CCNY: variants seen among roughly 807,000 people sequenced by gnomAD.
The protein encoded by CCNY is cyclin-Y.
A neutral mutation model predicts 42.8 loss-of-function variants in CCNY; 19 were observed. That is an observed-to-expected ratio of 0.44 (90% CI 0.31 to 0.65). The LOEUF (loss-of-function observed/expected upper bound fraction) is 0.65, where lower values mean the gene tolerates loss of function less well. CCNY is among the 30% of genes least tolerant of loss of function. The probability of loss-of-function intolerance (pLI) is 0.07; values close to 1 mark genes in which losing one functional copy is unlikely to be tolerated. For synonymous variants in CCNY, 165 were observed against 162.7 expected (o/e 1.01, Z -0.11); for missense variants, 370 against 437.3 (o/e 0.85, Z 1.37).
intron 1 of CCNY, among the ~76,000 whole-genome samples, chr10:35,446,779 C>G (rs1478851834): frequency 6.6e-6 from 1 of 152,212 alleles, no homozygotes; most frequent in Non-Finnish European, 1.5e-5. Flanking sequence ...GCTGATGGCC[C>G]TCTGGGTACC....
chr10:35,406,205 A>AT (rs1184068283), intron 1 of CCNY, among the ~76,000 whole-genome samples: 13 of 104,434 alleles, frequency 1.2e-4, no homozygotes, highest in African/African-American at 3.1e-4. Context: ...TTTTTATTTT[A>AT]TTTATTTATT....
intron 3 of CCNY, among the ~76,000 whole-genome samples, chr10:35,270,971 C>T (rs981835520): frequency 5.9e-5 from 9 of 151,886 alleles, no homozygotes; most frequent in Non-Finnish European, 8.8e-5. Flanking sequence ...GTGATCCGCC[C>T]GCCTCAGCCT....
rs191082047 is a variant in CCNY, at chr10:35,275,884, C to T, written c.-9+25258C>T. On this transcript the variant is annotated intron_variant, in intron 3 of 11. Coordinates refer to the CCNY transcript ENST00000374706. ...TGGACCACACGGCCCCAGCCACCGCCGGTTTAGCAGGGAAGGCATGGTGAT... is the reference window on the plus strand; with the variant it reads ...TGGACCACACGGCCCCAGCCACCGCTGGTTTAGCAGGGAAGGCATGGTGAT... 3.5e-3 allele frequency among the ~76,000 whole-genome samples: 534 copies of T among 152,348 alleles called. 2 individuals are homozygous for T. The highest frequency in any genetic ancestry group is 5.6e-3 in the Non-Finnish European group (382 of 68,040).
intron 3 of CCNY, among the ~76,000 whole-genome samples, chr10:35,509,503 T>C (rs990757898): frequency 2.0e-5 from 3 of 152,216 alleles, no homozygotes; most frequent in African/African-American, 7.2e-5. Context: ...CTCAAACTCC[T>C]GACCTCAAGT....
intron 1 of CCNY, chr10:35,433,989 C>G (rs1182891212): frequency 2.0e-5 from 3 of 152,210 alleles, no homozygotes; most frequent in African/African-American, 7.2e-5. Context: ...TGTATGCGAA[C>G]TTAAGTGCTA....
Position 35,295,048 on chromosome 10 carries a change from G to A in CCNY, c.-9+44422G>A, listed in dbSNP as rs1285546245. On this transcript the variant is annotated intron_variant, in intron 3 of 11. Coordinates refer to the CCNY transcript ENST00000374706. Reference sequence around the variant, plus strand: ...CTGGGACCTGTAGTCCCAGCTACTTGGGAGGCTGAGGCAGATGGATTGCTT... The same window carrying A: ...CTGGGACCTGTAGTCCCAGCTACTTAGGAGGCTGAGGCAGATGGATTGCTT... 4.6e-5 allele frequency among the ~76,000 whole-genome samples: 7 copies of A among 151,850 alleles called. No homozygotes were observed. In the East Asian group the frequency reaches 1.4e-3, roughly 30 times the overall value.
chr10:35,421,950 G>T (rs1287828730), intron 1 of CCNY, among the ~76,000 whole-genome samples: 1 of 152,122 alleles, frequency 6.6e-6, no homozygotes, highest in African/African-American at 2.4e-5. Flanking sequence ...TCTCCATTTT[G>T]CAGAGGGGAA....
chr10:35,306,314 C>T (rs577594340), intron 3 of CCNY, among the ~76,000 whole-genome samples: 1 of 152,344 alleles, frequency 6.6e-6, no homozygotes, highest in South Asian at 2.1e-4. Context: ...GGATTACAGG[C>T]GTGAGCCACC....
At chr10:35,496,479 C>T (rs1425664707) in intron 2 of CCNY, among the ~76,000 whole-genome samples, 1 of 152,164 alleles carries the variant, frequency 6.6e-6, no homozygotes, top group Non-Finnish European at 1.5e-5. Flanking sequence ...TTAGTACCAG[C>T]ATCCTATGGC....
At chr10:35,260,922 G>A (rs2135031486) in intron 3 of CCNY, among the ~76,000 whole-genome samples, 1 of 152,214 alleles carries the variant, frequency 6.6e-6, no homozygotes, top group East Asian at 1.9e-4. Context: ...ACCAGCCACG[G>A]CAACCTTGTG....
intron 3 of CCNY, among the ~76,000 whole-genome samples, chr10:35,282,153 C>T (rs940628193): frequency 3.0e-5 from 4 of 134,508 alleles, no homozygotes; most frequent in Non-Finnish European, 4.6e-5. Context: ...GCGTTGCTCA[C>T]TCTGTCACCC....
chr10:35,429,766 AT>A (rs1473750414), intron 1 of CCNY, among the ~76,000 whole-genome samples: 1 of 152,214 alleles, frequency 6.6e-6, no homozygotes, highest in African/African-American at 2.4e-5. Context: ...GCCATGTATT[AT>A]AAAAGAAATT....
At chr10:35,263,312 G>A (rs1423445954) in intron 3 of CCNY, among the ~76,000 whole-genome samples, 1 of 139,404 alleles carries the variant, frequency 7.2e-6, no homozygotes, top group South Asian at 2.2e-4. Flanking sequence ...AGCCGAGATC[G>A]CGCCACTGCA....
intron 3 of CCNY, among the ~76,000 whole-genome samples, chr10:35,307,792 GTGTGTGTGTATA>G (rs1484248149): frequency 8.6e-5 from 7 of 81,180 alleles, no homozygotes; most frequent in African/African-American, 4.2e-4. Context: ...GTGTGTGTGT[GTGTGTGTGTATA>G]TATATATATA....
At chr10:35,305,416 C>A (rs1179943889) in intron 3 of CCNY, among the ~76,000 whole-genome samples, 1 of 152,174 alleles carries the variant, frequency 6.6e-6, no homozygotes, top group African/African-American at 2.4e-5. Context: ...GTGACAAGAA[C>A]ATGAAATATA....
At chr10:35,312,091 A>G (rs1835691983) in intron 3 of CCNY, among the ~76,000 whole-genome samples, 1 of 151,844 alleles carries the variant, frequency 6.6e-6, no homozygotes, top group Non-Finnish European at 1.5e-5. Flanking sequence ...AAGATAATTC[A>G]TATTGGCTGG....
At chr10:35,472,861 A>G (rs1468115254) in intron 1 of CCNY, among the ~76,000 whole-genome samples, 1 of 152,234 alleles carries the variant, frequency 6.6e-6, no homozygotes, top group Non-Finnish European at 1.5e-5. Flanking sequence ...TAGAATAGGA[A>G]AGTTAATGAC....
intron 1 of CCNY, among the ~76,000 whole-genome samples, chr10:35,361,657 GCTCA>G (rs921928545): frequency 6.6e-6 from 1 of 152,196 alleles, no homozygotes; most frequent in African/African-American, 2.4e-5. Flanking sequence ...TCGGCATTCT[GCTCA>G]CTGTCTTCAC....
Position 35,570,164 on chromosome 10 carries a change from TTA to T in CCNY, c.*998_*999del, listed in dbSNP as rs988911717. 1 of 152,864 alleles carries T rather than the reference TTA, an allele frequency of 6.5e-6. No homozygotes were observed. Among genetic ancestry groups the T allele is most frequent in the East Asian group, 1.9e-4 (1 of 5,304 alleles). The allele number at this position is 152,864 out of a possible 1,614,324, so 9.5% of individuals were successfully genotyped here. ...TTGCAAGCAATATTCTTCTCAATTT[TTA>T]TATGTTTACTTTAAATCAAAGTTAG... On this transcript the variant is annotated 3_prime_UTR_variant, in exon 10 of 10. Transcript: ENST00000374704.
Sources: allele counts gnomAD v4.1 joint callset (sites outside exome capture counted in the v4.1 genomes callset), GRCh38; gene constraint gnomAD v4.1.1; transcripts MANE v1.5; gene names NCBI Gene and HGNC (gene_info 2026-07-23, HGNC 2026-07-21).